UGT1A10: variants seen among roughly 807,000 people sequenced by gnomAD.
UGT1A10 encodes the protein UDP-glucuronosyltransferase 1A10.
UGT1A10 carries 49 observed loss-of-function variants against 45.8 expected under a neutral mutation model. That is an observed-to-expected ratio of 1.07 (90% CI 0.85 to 1.36). UGT1A10 has a LOEUF of 1.36. Ranked by LOEUF, UGT1A10 falls within the 40% of genes most tolerant of loss-of-function variation. The probability of loss-of-function intolerance (pLI) is 0.00; values close to 1 mark genes in which losing one functional copy is unlikely to be tolerated. For synonymous variants in UGT1A10, 284 were observed against 249.7 expected (o/e 1.14, Z -1.29); for missense variants, 745 against 668.6 (o/e 1.11, Z -1.26).
rs958541757 is a variant in UGT1A10 at position 233,749,447 on chromosome 2, G to A, written c.856-17587G>A. Among the ~76,000 whole-genome samples, 14 of 151,852 alleles carry A rather than the reference G, an allele frequency of 9.2e-5. 1 individual carries two copies. Among genetic ancestry groups the A allele is most frequent in the African/African-American group, 3.4e-4 (14 of 41,136 alleles). ...AAAACTTCACTGTCATCTCAGTGGAGCAGAACGAATTGGGAACTGTGGCAC... is the reference window on the plus strand; with the variant it reads ...AAAACTTCACTGTCATCTCAGTGGAACAGAACGAATTGGGAACTGTGGCAC... On this transcript the variant is annotated intron_variant, in intron 1 of 4. Transcript: ENST00000344644.
At chr2:233,715,581 G>T (rs2076458979) in intron 1 of UGT1A10, among the ~76,000 whole-genome samples, 4 of 152,084 alleles carry the variant, frequency 2.6e-5, no homozygotes, top group Middle Eastern at 6.8e-3. Flanking sequence ...AGAGCAGCCT[G>T]GGCAACATGC....
At chr2:233,677,755 G>C (rs1223432615) in intron 1 of UGT1A10, among the ~76,000 whole-genome samples, 1 of 151,888 alleles carries the variant, frequency 6.6e-6, no homozygotes, top group Non-Finnish European at 1.5e-5. Context: ...CATCCCCTGT[G>C]GGAAGTAGTT....
At chr2:233,710,729 C>T (rs1236562894) in intron 1 of UGT1A10, among the ~76,000 whole-genome samples, 3 of 152,128 alleles carry the variant, frequency 2.0e-5, no homozygotes, top group Admixed American at 6.5e-5. Flanking sequence ...TAAAAAACAA[C>T]GTCTTTCAAG....
chr2:233,666,854 G>A (rs1349747009), intron 1 of UGT1A10, among the ~76,000 whole-genome samples: 1 of 141,704 alleles, frequency 7.1e-6, no homozygotes, highest in African/African-American at 2.7e-5. Flanking sequence ...CTGTGTCCAT[G>A]TGTTCTCATT....
intron 1 of UGT1A10, among the ~76,000 whole-genome samples, chr2:233,659,904 A>G (rs1212812471): frequency 6.6e-6 from 1 of 152,118 alleles, no homozygotes; most frequent in Non-Finnish European, 1.5e-5. Context: ...CTTCTTCCTC[A>G]TTGTCTGGTA....
At chr2:233,641,556 T>G (rs1248216665) in intron 1 of UGT1A10, among the ~76,000 whole-genome samples, 4 of 152,226 alleles carry the variant, frequency 2.6e-5, no homozygotes, top group Non-Finnish European at 5.9e-5. Flanking sequence ...ACAGTTACAA[T>G]GTTATAATAT....
At chr2:233,698,870 G>A (rs886928644) in intron 1 of UGT1A10, among the ~76,000 whole-genome samples, 1 of 152,196 alleles carries the variant, frequency 6.6e-6, no homozygotes, top group Non-Finnish European at 1.5e-5. Context: ...GTGACTTTGC[G>A]ACTTTGACCA....
chr2:233,693,179 G>C, intron 1 of UGT1A10: 2 of 1,614,162 alleles, frequency 1.2e-6, no homozygotes, highest in Non-Finnish European at 1.7e-6. Flanking sequence ...GATTGTAGTG[G>C]TGGTGCCTGA....
chr2:233,712,804 C>T (rs2076256018), intron 1 of UGT1A10, among the ~76,000 whole-genome samples: 1 of 152,204 alleles, frequency 6.6e-6, no homozygotes, highest in Non-Finnish European at 1.5e-5. Context: ...CGGTCTTTCC[C>T]AGGGTGGGGC....
At chr2:233,690,423 C>T in intron 1 of UGT1A10, 1 of 1,228,814 alleles carries the variant, frequency 8.1e-7, no homozygotes, top group South Asian at 1.3e-5. Context: ...TACCTTCATG[C>T]ACATCTTTGG....
At chr2:233,743,446 AAAG>A (rs891586644) in intron 1 of UGT1A10, 1 of 1,364,544 alleles carries the variant, frequency 7.3e-7, no homozygotes, top group Non-Finnish European at 9.8e-7. Context: ...TCCTGTATCA[AAAG>A]AAGAAAAAAC....
In UGT1A10 at chr2:233,773,267, C is replaced by T. The variant is rs1428279395; in HGVS notation, c.*708C>T. ...ACTTTTTTTCTGATGTTTCCTACAA[C>T]TAAAAATAAATTAATAAATTTATAT... On this transcript the variant is annotated 3_prime_UTR_variant, in exon 5 of 5. Transcript: ENST00000344644. 6.6e-6 allele frequency: 1 copy of T among 152,172 alleles called. No individual in the cohort carries two copies. Among genetic ancestry groups the T allele is most frequent in the Non-Finnish European group, 1.5e-5 (1 of 68,020 alleles). The allele number at this position is 152,172 out of a possible 1,614,324, so 9.4% of individuals were successfully genotyped here. A position where few individuals can be genotyped will look rare whatever the true frequency, so the allele number is the denominator to read the frequency against.
chr2:233,747,765 A>T, intron 1 of UGT1A10: 1 of 1,613,500 alleles, frequency 6.2e-7, no homozygotes, highest in Non-Finnish European at 8.5e-7. Context: ...CTTTAAGGGC[A>T]CACAGTGTCC....
chr2:233,683,888 A>C (rs1489216794), intron 1 of UGT1A10, among the ~76,000 whole-genome samples: 1 of 152,158 alleles, frequency 6.6e-6, no homozygotes, highest in African/African-American at 2.4e-5. Context: ...CCTGGTATTT[A>C]TACCTCTTAT....
At chr2:233,710,257 T>C (rs1404834948) in intron 1 of UGT1A10, among the ~76,000 whole-genome samples, 4 of 152,232 alleles carry the variant, frequency 2.6e-5, no homozygotes, top group Non-Finnish European at 5.9e-5. Context: ...TTTCTGAGAT[T>C]TCATTTTTCT....
intron 1 of UGT1A10, among the ~76,000 whole-genome samples, chr2:233,756,874 G>A (rs1221596581): frequency 3.9e-5 from 6 of 152,098 alleles, no homozygotes; most frequent in Non-Finnish European, 7.3e-5. Context: ...GGTATTAGGT[G>A]TAATGAGGAT....
At chr2:233,730,291 G>A (rs962328046) in intron 1 of UGT1A10, among the ~76,000 whole-genome samples, 1 of 152,200 alleles carries the variant, frequency 6.6e-6, no homozygotes, top group Non-Finnish European at 1.5e-5. Flanking sequence ...CTTCATGGTT[G>A]TGCATGTCCT....
chr2:233,725,061 C>T (rs1212157566), intron 1 of UGT1A10, among the ~76,000 whole-genome samples: 1 of 147,216 alleles, frequency 6.8e-6, no homozygotes, highest in Admixed American at 6.8e-5. Flanking sequence ...GCGGCGCGCG[C>T]CTGCAATCGC....
intron 1 of UGT1A10, among the ~76,000 whole-genome samples, chr2:233,758,854 C>A (rs1032361524): frequency 6.6e-6 from 1 of 152,158 alleles, no homozygotes; most frequent in Admixed American, 6.5e-5. Context: ...CCAATTCTGG[C>A]TGCACAATAC....
Sources: allele counts gnomAD v4.1 joint callset (sites outside exome capture counted in the v4.1 genomes callset), GRCh38; gene constraint gnomAD v4.1.1; transcripts MANE v1.5; gene names NCBI Gene and HGNC (gene_info 2026-07-23, HGNC 2026-07-21).